TMEM108: variants seen among roughly 807,000 people sequenced by gnomAD.
The protein encoded by TMEM108 is cancer/testis antigen 124.
In TMEM108, 12 loss-of-function variants were observed where a neutral mutation model predicts 35.1. That is an observed-to-expected ratio of 0.34 (90% CI 0.22 to 0.55). The LOEUF is 0.55. Ranked by LOEUF, TMEM108 falls within the 20% of genes least tolerant of loss-of-function variation. TMEM108 has a pLI of 0.89. For missense variants in TMEM108, 680 were observed against 753.3 expected (o/e 0.90, Z 1.14); for synonymous variants, 287 against 308.6 (o/e 0.93, Z 0.73).
At chr3:133,387,065 A>C in intron 4 of TMEM108, 1 of 985,690 alleles carries the variant, frequency 1.0e-6, no homozygotes, top group Non-Finnish European at 1.2e-6. Flanking sequence ...TGAAATAGTG[A>C]ATGTTCTAAC....
rs1393342244 is a variant in TMEM108 at position 133,038,398 on chromosome 3, C to T, written c.-203C>T. On this transcript the variant is annotated 5_prime_UTR_variant, in exon 1 of 6. Coordinates refer to ENST00000321871, the MANE Select transcript of TMEM108 (RefSeq NM_023943.4). ...GCGTGCGCGAGCGGTGGGGCTTTCT[C>T]CTGAGCCGTCGGAGGGAGCCGGAGC... 2.6e-5 allele frequency: 4 copies of T among 152,312 alleles called. No homozygotes were observed. The highest frequency in any genetic ancestry group is 4.8e-5 in the African/African-American group (2 of 41,454). The allele number at this position is 152,312 out of a possible 1,614,324, so 9.4% of individuals were successfully genotyped here. A position where few individuals can be genotyped will look rare whatever the true frequency, so the allele number is the denominator to read the frequency against.
At chr3:133,305,406 C>T (rs1267659457) in intron 3 of TMEM108, among the ~76,000 whole-genome samples, 1 of 151,116 alleles carries the variant, frequency 6.6e-6, no homozygotes, top group Non-Finnish European at 1.5e-5. Context: ...GGAGATACAC[C>T]TAATGCTAGA....
intron 3 of TMEM108, among the ~76,000 whole-genome samples, chr3:133,338,200 A>G (rs2071555129): frequency 6.6e-6 from 1 of 152,196 alleles, no homozygotes; most frequent in Non-Finnish European, 1.5e-5. Flanking sequence ...ATATCCAAGT[A>G]CAAGAAGGTT....
chr3:133,039,973 C>G (rs1006101912), intron 1 of TMEM108, among the ~76,000 whole-genome samples: 1 of 152,114 alleles, frequency 6.6e-6, no homozygotes, highest in African/African-American at 2.4e-5. Context: ...AGAGGGAACA[C>G]CTAAATTTGT....
chr3:133,184,728 G>T (rs567586431), intron 2 of TMEM108, among the ~76,000 whole-genome samples: 1 of 152,282 alleles, frequency 6.6e-6, no homozygotes, highest in African/African-American at 2.4e-5. Flanking sequence ...ACTGACTCTT[G>T]AAAGCAGACA....
intron 1 of TMEM108, among the ~76,000 whole-genome samples, chr3:133,039,033 G>A (rs1943241666): frequency 6.6e-6 from 1 of 152,208 alleles, no homozygotes. Flanking sequence ...TCACCCCAGA[G>A]TTGCAGCGAA....
chr3:133,148,334 G>A (rs540200871), intron 2 of TMEM108, among the ~76,000 whole-genome samples: 1 of 152,270 alleles, frequency 6.6e-6, no homozygotes, highest in South Asian at 2.1e-4. Flanking sequence ...ACATCTAATG[G>A]CCAAAGCTAG....
At chr3:133,225,981 G>A (rs1403014053) in intron 2 of TMEM108, among the ~76,000 whole-genome samples, 6 of 152,166 alleles carry the variant, frequency 3.9e-5, no homozygotes, top group Non-Finnish European at 8.8e-5. Flanking sequence ...TTACAACCTC[G>A]TTTTATAAGT....
At chr3:133,107,755 TCCTGGTCACTGAA>T (rs1944171908) in intron 2 of TMEM108, among the ~76,000 whole-genome samples, 1 of 152,176 alleles carries the variant, frequency 6.6e-6, no homozygotes, top group Non-Finnish European at 1.5e-5. Flanking sequence ...CTTTACCTGA[TCCTGGTCACTGAA>T]CCGCTATAGC....
At chr3:133,200,734 G>A (rs1369203832) in intron 2 of TMEM108, among the ~76,000 whole-genome samples, 1 of 152,104 alleles carries the variant, frequency 6.6e-6, no homozygotes, top group Non-Finnish European at 1.5e-5. Flanking sequence ...TTTGTCTTAT[G>A]TTGTTGTTTC....
intron 2 of TMEM108, among the ~76,000 whole-genome samples, chr3:133,079,770 A>T (rs2107696570): frequency 1.3e-5 from 2 of 152,324 alleles, no homozygotes; most frequent in South Asian, 4.1e-4. Context: ...TGAATGACAG[A>T]TGGGACAGGC....
chr3:133,278,804 T>C (rs1327722784), intron 3 of TMEM108, among the ~76,000 whole-genome samples: 2 of 152,216 alleles, frequency 1.3e-5, no homozygotes, highest in African/African-American at 4.8e-5. Context: ...ATGTACAGCC[T>C]AGCTACCCAG....
chr3:133,389,716 T>C (rs1244445483), intron 4 of TMEM108: 1 of 147,104 alleles, frequency 6.8e-6, no homozygotes, highest in Admixed American at 6.8e-5. Context: ...AAAAAAACCA[T>C]AGACTTTGGA....
chr3:133,183,556 T>C (rs1945378003), intron 2 of TMEM108, among the ~76,000 whole-genome samples: 1 of 151,832 alleles, frequency 6.6e-6, no homozygotes, highest in South Asian at 2.1e-4. Context: ...AGGGTAAGGA[T>C]GGAGAGGAAA....
At chr3:133,211,985 A>T (rs981123830) in intron 2 of TMEM108, among the ~76,000 whole-genome samples, 1 of 152,168 alleles carries the variant, frequency 6.6e-6, no homozygotes, top group Non-Finnish European at 1.5e-5. Flanking sequence ...GAGCTCTATT[A>T]CAGGTGGGAT....
chr3:133,380,175 C>G lies in TMEM108; in HGVS notation c.464C>G (p.Thr155Arg). The G allele has an allele frequency of 1.2e-6, 2 of 1,612,462 alleles. No homozygotes were observed. Among genetic ancestry groups the G allele is most frequent in the Non-Finnish European group, 1.7e-6 (2 of 1,179,262 alleles). The change falls in exon 4 of 6, where the codon ACA becomes AGA. Residue 155 changes from threonine (T) to arginine (R), a missense_variant. Physicochemically the swap from Thr to Arg is moderately conservative, Grantham distance 71. This residue lies in a region of TMEM108 where 526 missense variants were observed against 532.1 expected (regional missense o/e 0.99). Transcript: ENST00000321871. This position sits in a 1 kb window ranked among gnomAD's most constrained non-coding sequence, Gnocchi z 5.3. ...KPPGATSRPT[T>R]APPRTTTRRP... ...CCGGGGGCCACCAGCCGCCCCACCA[C>G]AGCGCCCCCCCGCACTACCACACGC...
At chr3:133,394,250 T>C (rs539960028) in intron 5 of TMEM108, among the ~76,000 whole-genome samples, 1 of 152,368 alleles carries the variant, frequency 6.6e-6, no homozygotes, top group African/African-American at 2.4e-5. Flanking sequence ...CTTTAGCTGC[T>C]AACTTTGGAG....
intron 2 of TMEM108, among the ~76,000 whole-genome samples, chr3:133,142,639 C>T (rs1944657050): frequency 6.6e-6 from 1 of 152,154 alleles, no homozygotes; most frequent in Non-Finnish European, 1.5e-5. Context: ...TCAGGCCTTA[C>T]AAGTATTAGT....
intron 2 of TMEM108, among the ~76,000 whole-genome samples, chr3:133,097,045 A>C (rs1047927850): frequency 3.9e-5 from 6 of 152,246 alleles, no homozygotes; most frequent in Admixed American, 1.3e-4. Flanking sequence ...AAACATGGTT[A>C]GATTGGCCAT....
Sources: gnomAD v4.1 joint callset for allele counts (sites outside exome capture counted in the v4.1 genomes callset) on GRCh38, gnomAD v4.1.1 for gene constraint, gnomAD v4.1.1 regional missense constraint, Gnocchi (gnomAD v3.1) non-coding constraint, MANE v1.5 for transcripts, NCBI Gene and HGNC (gene_info 2026-07-23, HGNC 2026-07-21) for gene names.